The following WDR7 variants were observed in gnomAD, a reference collection of about 807,000 sequenced individuals.
WDR7 encodes WD repeat domain 7, also known as WD repeat-containing protein 7.
In WDR7, 46 loss-of-function variants were observed where a neutral mutation model predicts 169.4. The observed-to-expected ratio is 0.27, with a 90% CI of 0.21 to 0.35. The LOEUF is 0.35. Among genes scored for constraint, WDR7 ranks in the 10% least tolerant of loss-of-function variants. WDR7 has a pLI of 1.00. For synonymous variants in WDR7, 612 were observed against 666.8 expected (o/e 0.92, Z 1.27); for missense variants, 1,534 against 1,859.3 (o/e 0.83, Z 3.22).
At chr18:56,779,301 A>G in intron 17 of WDR7, 130 bp from the exon 18 acceptor site, 1 of 591,286 alleles carries the variant, frequency 1.7e-6, no homozygotes, top group Non-Finnish European at 2.9e-6. Flanking sequence ...CTACTATTAA[A>G]TTGAAATCAT....
intron 26 of WDR7, among the ~76,000 whole-genome samples, chr18:56,987,043 T>A (rs1038872654): frequency 6.6e-6 from 1 of 152,124 alleles, no homozygotes; most frequent in South Asian, 2.1e-4. Flanking sequence ...ACAGCCATAG[T>A]AAGTCAGGGT....
At chr18:56,837,075 G>A (rs78500993) in intron 20 of WDR7, among the ~76,000 whole-genome samples, 2,128 of 152,266 alleles carry the variant, frequency 0.014, 28 homozygotes, top group East Asian at 0.035. Context: ...CAGTTAAGAT[G>A]CAATTTAATT....
At chr18:56,938,801 A>ATG in intron 24 of WDR7, 119 bp downstream of exon 24, 8 of 799,734 alleles carry the variant, frequency 1.0e-5, no homozygotes, top group Admixed American at 3.0e-5. Context: ...GTGAGAGAGA[A>ATG]AGAATGAGTG....
intron 19 of WDR7, among the ~76,000 whole-genome samples, chr18:56,793,706 A>G (rs2044533102): frequency 6.6e-6 from 1 of 152,220 alleles, no homozygotes; most frequent in Non-Finnish European, 1.5e-5. Flanking sequence ...CATGGTAAAA[A>G]GCAGAAACAT....
At chr18:56,882,497 T>C (rs908687482) in intron 21 of WDR7, among the ~76,000 whole-genome samples, 4 of 152,232 alleles carry the variant, frequency 2.6e-5, no homozygotes, top group African/African-American at 9.6e-5. Flanking sequence ...TATGGCTCTT[T>C]CTAATATATT....
At chr18:56,787,590 A>T (rs2044422278) in intron 19 of WDR7, among the ~76,000 whole-genome samples, 1 of 152,146 alleles carries the variant, frequency 6.6e-6, no homozygotes, top group South Asian at 2.1e-4. Context: ...TGTTAAGGTT[A>T]CCAGGGTTAG....
chr18:56,666,800 A>C (rs1954576359), intron 1 of WDR7, among the ~76,000 whole-genome samples: 1 of 152,116 alleles, frequency 6.6e-6, no homozygotes, highest in South Asian at 2.1e-4. Flanking sequence ...TGATCTTGAG[A>C]GAGTTGCTAA....
intron 21 of WDR7, among the ~76,000 whole-genome samples, chr18:56,904,861 A>G (rs977439263): frequency 1.3e-5 from 2 of 152,164 alleles, no homozygotes; most frequent in African/African-American, 4.8e-5. Context: ...ACATTAACAA[A>G]TTGTTATATA....
intron 12 of WDR7, among the ~76,000 whole-genome samples, chr18:56,702,348 T>C (rs1357619982): frequency 6.6e-6 from 1 of 152,172 alleles, no homozygotes; most frequent in African/African-American, 2.4e-5. Flanking sequence ...CCACATAGGT[T>C]ACTCTTAGAG....
At chr18:56,692,586 G>A (rs1367281018) in intron 9 of WDR7, among the ~76,000 whole-genome samples, 1 of 151,680 alleles carries the variant, frequency 6.6e-6, no homozygotes, top group Admixed American at 6.6e-5. Flanking sequence ...GTATATCTAT[G>A]TACAATTAAG....
At chr18:57,030,955 G>A (rs568307445), downstream of WDR7, 1 of 150,836 alleles carries the variant, frequency 6.6e-6, no homozygotes, top group African/African-American at 2.4e-5. Flanking sequence ...TCACAATTGT[G>A]TGACCATTGA....
intron 14 of WDR7, among the ~76,000 whole-genome samples, chr18:56,746,260 T>G (rs1425879658): frequency 1.3e-5 from 2 of 152,216 alleles, no homozygotes; most frequent in Admixed American, 1.3e-4. Flanking sequence ...TCTCTCTTAT[T>G]TTGTATTAAA....
intron 16 of WDR7, among the ~76,000 whole-genome samples, chr18:56,760,681 T>G (rs1355873606): frequency 6.6e-6 from 1 of 152,208 alleles, no homozygotes; most frequent in Non-Finnish European, 1.5e-5. Context: ...CGTTTCTGTT[T>G]TGTATATAAC....
intron 12 of WDR7, among the ~76,000 whole-genome samples, chr18:56,698,605 C>CA (rs34560445): frequency 0.11 from 10,033 of 87,872 alleles, 433 homozygotes; most frequent in East Asian, 0.22. Context: ...GACTCTGTCT[C>CA]AAAAAAAAAA....
At chr18:56,790,955 C>G (rs573949574) in intron 19 of WDR7, among the ~76,000 whole-genome samples, 40 of 152,216 alleles carry the variant, frequency 2.6e-4, no homozygotes, top group Non-Finnish European at 5.1e-4. Flanking sequence ...ACCCAGTCAT[C>G]TGTAACAGTA....
At chr18:56,697,208 A>G (rs1307035869) in intron 12 of WDR7, among the ~76,000 whole-genome samples, 22 of 152,220 alleles carry the variant, frequency 1.4e-4, no homozygotes, top group Admixed American at 1.4e-3. Flanking sequence ...CATGCTTATC[A>G]TAATTCATTC....
At chr18:56,795,524 C>T (rs574854351) in intron 19 of WDR7, among the ~76,000 whole-genome samples, 6 of 152,226 alleles carry the variant, frequency 3.9e-5, no homozygotes, top group African/African-American at 9.6e-5. Flanking sequence ...ATTTGATTAA[C>T]GTTACATCTG....
intron 20 of WDR7, among the ~76,000 whole-genome samples, chr18:56,876,194 C>T (rs1301966982): frequency 3.3e-5 from 5 of 151,892 alleles, no homozygotes; most frequent in Non-Finnish European, 5.9e-5. Flanking sequence ...TTCAGAGAGC[C>T]TTGCTGCTAA....
At chr18:56,994,650 C>G (rs1358373461) in intron 26 of WDR7, among the ~76,000 whole-genome samples, 1 of 152,166 alleles carries the variant, frequency 6.6e-6, no homozygotes, top group Non-Finnish European at 1.5e-5. Flanking sequence ...TGAATAGGTT[C>G]TGTGCTTTTA....
Sources: gnomAD v4.1 joint callset for allele counts (sites outside exome capture counted in the v4.1 genomes callset) on GRCh38, gnomAD v4.1.1 for gene constraint, MANE v1.5 for transcripts, NCBI Gene and HGNC (gene_info 2026-07-23, HGNC 2026-07-21) for gene names.